The following PHACTR2 variants were observed in gnomAD, a reference collection of about 807,000 sequenced individuals.
PHACTR2 encodes phosphatase and actin regulator 2, also known as chromosome 6 open reading frame 56.
In PHACTR2, 30 loss-of-function variants were observed where a neutral mutation model predicts 76.0. The ratio of observed to expected loss-of-function variants is 0.39; its 90% CI spans 0.30 to 0.54. The LOEUF (loss-of-function observed/expected upper bound fraction) is 0.54. Among genes scored for constraint, PHACTR2 ranks in the 20% least tolerant of loss-of-function variants. The pLI is 0.61. For missense variants in PHACTR2, 696 were observed against 781.1 expected (o/e 0.89, Z 1.30); for synonymous variants, 292 against 292.5 (o/e 1.00, Z 0.02).
rs1408896461 is a variant in PHACTR2, at chr6:143,819,519, C to T, written c.1923-4155C>T. Among the ~76,000 whole-genome samples the T allele has an allele frequency of 3.9e-5, 6 of 152,116 alleles. No individual in the cohort carries two copies. Among genetic ancestry groups the T allele is most frequent in the African/African-American group, 1.2e-4 (5 of 41,408 alleles). ...AAGTCCCAGAACAGGCTGTCGGCAACCTGGAGACCCTGAGATGCTGGTAGC... is the reference window on the plus strand; with the variant it reads ...AAGTCCCAGAACAGGCTGTCGGCAATCTGGAGACCCTGAGATGCTGGTAGC... On this transcript the variant is annotated intron_variant, in intron 12 of 12. Coordinates refer to ENST00000440869, the MANE Select transcript of PHACTR2 (RefSeq NM_001100164.2). The surrounding 1 kb of genome is among the most constrained non-coding windows in gnomAD (Gnocchi z 5.0).
chr6:143,636,473 CAG>C (rs1776457693), intron 1 of PHACTR2, among the ~76,000 whole-genome samples: 1 of 152,076 alleles, frequency 6.6e-6, no homozygotes, highest in Non-Finnish European at 1.5e-5. Flanking sequence ...TGCTTTATAT[CAG>C]TGTTTTTCAA....
At chr6:143,677,909 C>T (rs1376212223), upstream of PHACTR2, 5 of 578,364 alleles carry the variant, frequency 8.6e-6, no homozygotes, top group Admixed American at 5.7e-5. Context: ...GCCCTCACCC[C>T]CCTTCTTCCC....
In PHACTR2 at chr6:143,591,166, G is replaced by A. The variant is rs182357955; in HGVS notation, c.217+53959G>A. 7.2e-5 allele frequency among the ~76,000 whole-genome samples: 11 copies of A among 152,126 alleles called. No individual in the cohort carries two copies. The Middle Eastern group carries it at 0.01, about 141-fold the overall frequency. ...TGCCCCATCAGCCAAGACATTCCAC[G>A]TTCATTTGCTTGGGAATACGTGACA... On this transcript the variant is annotated intron_variant, in intron 1 of 11. Coordinates refer to the PHACTR2 transcript ENST00000367584. This position sits in a 1 kb window ranked among gnomAD's most constrained non-coding sequence, Gnocchi z 6.4.
chr6:143,799,092 C>T (rs765479201), intron 11 of PHACTR2, among the ~76,000 whole-genome samples: 6 of 152,160 alleles, frequency 3.9e-5, no homozygotes, highest in Non-Finnish European at 8.8e-5. Context: ...AGAGATTCAA[C>T]TTCTTCCTGG....
chr6:143,779,355 T>A (rs1775362884), intron 9 of PHACTR2, among the ~76,000 whole-genome samples: 1 of 151,922 alleles, frequency 6.6e-6, no homozygotes, highest in African/African-American at 2.4e-5. Flanking sequence ...CATCTTTTTT[T>A]TTTTTTTTTT....
rs1562294156 is a variant in PHACTR2 at position 143,753,948 on chromosome 6, T to A, written c.454+36T>A. ...GACAAACCCATATTATTTACTTTAG[T>A]ATATAGCTCAATGTCTAGAACCAGC... On this transcript the variant is annotated intron_variant, in intron 4 of 12. Transcript: ENST00000440869. This position sits in a 1 kb window ranked among gnomAD's most constrained non-coding sequence, Gnocchi z 4.6. The A allele has an allele frequency of 6.7e-7, 1 of 1,482,942 alleles. No individual in the cohort carries two copies. The allele number at this position is 1,482,942 out of a possible 1,614,324, so 91.9% of individuals were successfully genotyped here.
chr6:143,787,626 T>A lies in PHACTR2; in HGVS notation c.1708-1147T>A, dbSNP rs1440514459. Among the ~76,000 whole-genome samples the A allele has an allele frequency of 6.6e-6, 1 of 152,074 alleles. No individual in the cohort carries two copies. The highest frequency in any genetic ancestry group is 2.4e-5 in the African/African-American group (1 of 41,408). On this transcript the variant is annotated intron_variant, in intron 10 of 12. Transcript: ENST00000440869. The surrounding 1 kb of genome is among the most constrained non-coding windows in gnomAD (Gnocchi z 4.6). ...TAGACCCAGTGCAAAATAAGGAATATCTCTGGACAGGTGTTGTGGCTTATG... is the reference window on the plus strand; with the variant it reads ...TAGACCCAGTGCAAAATAAGGAATAACTCTGGACAGGTGTTGTGGCTTATG...
rs376345990 is a variant in PHACTR2 at position 143,678,129 on chromosome 6, G to T, written c.-35G>T. On this transcript the variant is annotated 5_prime_UTR_variant, in exon 1 of 13. Transcript: ENST00000440869. The surrounding 1 kb of genome is among the most constrained non-coding windows in gnomAD (Gnocchi z 6.2). ...CCATGATCGAAGGACCAAAGGAGCC[G>T]CTTGATCGCTGGACCTGGCCCTGCG... 6.5e-6 allele frequency: 10 copies of T among 1,545,852 alleles called. No individual in the cohort carries two copies. Among genetic ancestry groups the T allele is most frequent in the Non-Finnish European group, 8.7e-6 (10 of 1,144,964 alleles).
chr6:143,753,535 C>T lies in PHACTR2; in HGVS notation c.296-219C>T, dbSNP rs1779231282. ...TAATTAGGATGATCATTCCTGTTGT[C>T]TTGAAATGGCGCATAGATATTCCCT... On this transcript the variant is annotated intron_variant, in intron 3 of 12. Transcript: ENST00000440869. This position sits in a 1 kb window ranked among gnomAD's most constrained non-coding sequence, Gnocchi z 4.6. 6.6e-6 allele frequency among the ~76,000 whole-genome samples: 1 copy of T among 152,180 alleles called. No individual in the cohort carries two copies. The highest frequency in any genetic ancestry group is 1.5e-5 in the Non-Finnish European group (1 of 68,032).
chr6:143,693,796 C>T (rs1777705939), intron 1 of PHACTR2, among the ~76,000 whole-genome samples: 1 of 152,106 alleles, frequency 6.6e-6, no homozygotes, highest in African/African-American at 2.4e-5. Flanking sequence ...TGTGACTAGG[C>T]AGTACACTTA....
chr6:143,792,050 C>A (rs2128480447), intron 11 of PHACTR2, among the ~76,000 whole-genome samples: 1 of 152,204 alleles, frequency 6.6e-6, no homozygotes, highest in East Asian at 1.9e-4. Flanking sequence ...ATTTGGTCCC[C>A]AATTTATGGA....
At chr6:143,660,226 C>T (rs1000104376) in intron 1 of PHACTR2, among the ~76,000 whole-genome samples, 3 of 150,356 alleles carry the variant, frequency 2.0e-5, no homozygotes, top group African/African-American at 7.4e-5. Flanking sequence ...AAAGACATAC[C>T]CAAGACCGAG....
intron 2 of PHACTR2, among the ~76,000 whole-genome samples, chr6:143,735,639 C>A (rs1778800248): frequency 6.7e-6 from 1 of 149,916 alleles, no homozygotes; most frequent in Admixed American, 6.6e-5. Context: ...AAAAAAACTT[C>A]AGATGAATCA....
At position 143,663,227 on chromosome 6, in the gene PHACTR2, C is replaced by T. The variant is rs777902488; in HGVS notation, c.14-48789C>T. Among the ~76,000 whole-genome samples, 5 of 152,134 alleles carry T rather than the reference C, an allele frequency of 3.3e-5. No individual in the cohort carries two copies. The highest frequency in any genetic ancestry group is 7.3e-5 in the Non-Finnish European group (5 of 68,034). The stretch of plus-strand genomic sequence containing the variant: ...ATCTATTTCCCTTTGAGTATATACC[C>T]AGTAATGATATTTTTGGGTCACATG... On this transcript the variant is annotated intron_variant, in intron 1 of 11. Coordinates refer to the PHACTR2 transcript ENST00000305766. The surrounding 1 kb of genome is among the most constrained non-coding windows in gnomAD (Gnocchi z 4.1).
At chr6:143,813,727 TTC>T (rs1230382386) in intron 12 of PHACTR2, among the ~76,000 whole-genome samples, 1 of 152,194 alleles carries the variant, frequency 6.6e-6, no homozygotes, top group African/African-American at 2.4e-5. Context: ...TAATCTTTTT[TTC>T]TTTTATCTAC....
chr6:143,552,211 T>A (rs1173928870), intron 1 of PHACTR2, among the ~76,000 whole-genome samples: 1 of 151,606 alleles, frequency 6.6e-6, no homozygotes, highest in Admixed American at 6.6e-5. Context: ...AAATTAGAAG[T>A]CTAGGGAAGA....
chr6:143,703,156 T>TAAAAAAAAAAAAA (rs57738495), intron 1 of PHACTR2, among the ~76,000 whole-genome samples: 1 of 91,142 alleles, frequency 1.1e-5, no homozygotes, highest in Non-Finnish European at 2.1e-5. Context: ...AAAAAATTAC[T>TAAAAAAAAAAAAA]AAAAAAAAAA....
In PHACTR2 at chr6:143,552,135, G is replaced by A. The variant is rs529175963; in HGVS notation, c.217+14928G>A. Among the ~76,000 whole-genome samples, 7 of 152,246 alleles carry A rather than the reference G, an allele frequency of 4.6e-5. No homozygotes were observed. The South Asian group carries it at 8.3e-4, about 18-fold the overall frequency. ...GTTTATAAGGCATTTGTTGGAAAGC[G>A]ACTGATTATACTTGGGAGTATTTGT... On this transcript the variant is annotated intron_variant, in intron 1 of 11. Coordinates refer to the PHACTR2 transcript ENST00000367584.
chr6:143,785,734 A>G (rs1775542760), intron 10 of PHACTR2, among the ~76,000 whole-genome samples: 1 of 152,032 alleles, frequency 6.6e-6, no homozygotes, highest in Non-Finnish European at 1.5e-5. Flanking sequence ...CTTTTCACCC[A>G]CAAGCTCAAC....
Sources: gnomAD v4.1 joint callset for allele counts (sites outside exome capture counted in the v4.1 genomes callset) on GRCh38, gnomAD v4.1.1 for gene constraint, Gnocchi (gnomAD v3.1) non-coding constraint, MANE v1.5 for transcripts, NCBI Gene and HGNC (gene_info 2026-07-23, HGNC 2026-07-21) for gene names.